The following KLHL29 variants were observed in gnomAD, a reference collection of about 807,000 sequenced individuals.
KLHL29 encodes the protein kelch-like protein 29.
KLHL29 carries 21 observed loss-of-function variants against 80.4 expected under a neutral mutation model. The ratio of observed to expected loss-of-function variants is 0.26; its 90% CI spans 0.19 to 0.38. The LOEUF (loss-of-function observed/expected upper bound fraction) is 0.38, where lower values mean the gene tolerates loss of function less well. Among genes scored for constraint, KLHL29 ranks in the 10% least tolerant of loss-of-function variants. The pLI is 1.00. For synonymous variants in KLHL29, 511 were observed against 526.8 expected (o/e 0.97, Z 0.41); for missense variants, 867 against 1,223.9 (o/e 0.71, Z 4.35).
chr2:23,462,320 A>G (rs1174240159), intron 1 of KLHL29, among the ~76,000 whole-genome samples: 4 of 152,192 alleles, frequency 2.6e-5, no homozygotes, highest in Non-Finnish European at 4.4e-5. Flanking sequence ...GAGAGGAAAC[A>G]GGCTCTGTCT....
At chr2:23,419,264 G>A (rs569286794) in intron 1 of KLHL29, among the ~76,000 whole-genome samples, 24 of 152,288 alleles carry the variant, frequency 1.6e-4, no homozygotes, top group African/African-American at 5.1e-4. Flanking sequence ...GAACTGTCCC[G>A]CTCCCCTGCC....
At chr2:23,568,002 A>G (rs1374538960) in intron 3 of KLHL29, among the ~76,000 whole-genome samples, 3 of 152,198 alleles carry the variant, frequency 2.0e-5, no homozygotes, top group Non-Finnish European at 4.4e-5. Context: ...TTGATTGTGT[A>G]TTCATTGACT....
intron 3 of KLHL29, among the ~76,000 whole-genome samples, chr2:23,625,563 T>A (rs759172657): frequency 4.6e-5 from 7 of 152,164 alleles, no homozygotes; most frequent in Middle Eastern, 3.2e-3. Context: ...GGCGTGCTAG[T>A]CAGGTCTGTG....
intron 2 of KLHL29, among the ~76,000 whole-genome samples, chr2:23,493,950 A>G (rs1665182986): frequency 6.6e-6 from 1 of 152,246 alleles, no homozygotes; most frequent in East Asian, 1.9e-4. Context: ...ACTTACCTAC[A>G]CTGAAAGAGG....
intron 2 of KLHL29, among the ~76,000 whole-genome samples, chr2:23,547,947 G>A (rs765595628): frequency 1.3e-5 from 2 of 152,236 alleles, no homozygotes; most frequent in Admixed American, 6.5e-5. Context: ...CAGAGGTGGC[G>A]CTATGCCACT....
chr2:23,682,097 G>A lies in KLHL29; in HGVS notation c.941-2302G>A, dbSNP rs994750144. Among the ~76,000 whole-genome samples the A allele has an allele frequency of 6.6e-6, 1 of 151,906 alleles. No homozygotes were observed. The highest frequency in any genetic ancestry group is 6.5e-5 in the Admixed American group (1 of 15,270). On this transcript the variant is annotated intron_variant, in intron 5 of 13. Coordinates refer to ENST00000486442, the MANE Select transcript of KLHL29 (RefSeq NM_052920.2). The surrounding 1 kb of genome is among the most constrained non-coding windows in gnomAD (Gnocchi z 4.1). ...CACCATCCCCTCCAAAAACCTGTTAGTGGTCTCCATGCCTCCCCCTCCCCA... is the reference window on the plus strand; with the variant it reads ...CACCATCCCCTCCAAAAACCTGTTAATGGTCTCCATGCCTCCCCCTCCCCA...
chr2:23,557,208 A>G (rs1270173807), intron 2 of KLHL29, among the ~76,000 whole-genome samples: 1 of 151,628 alleles, frequency 6.6e-6, no homozygotes, highest in East Asian at 1.9e-4. Flanking sequence ...CTCCCTCAAC[A>G]CCGCTCTGGG....
chr2:23,436,557 T>A (rs1249005215), intron 1 of KLHL29, among the ~76,000 whole-genome samples: 1 of 151,210 alleles, frequency 6.6e-6, no homozygotes, highest in Non-Finnish European at 1.5e-5. Context: ...GAGTCACAGG[T>A]GTGGATCTGC....
At chr2:23,618,819 C>T (rs1034876624) in intron 3 of KLHL29, among the ~76,000 whole-genome samples, 2 of 152,214 alleles carry the variant, frequency 1.3e-5, no homozygotes, top group African/African-American at 4.8e-5. Context: ...GAACCCATAG[C>T]TTGATCAAGC....
intron 1 of KLHL29, among the ~76,000 whole-genome samples, chr2:23,462,166 T>C (rs1409053546): frequency 6.6e-6 from 1 of 152,000 alleles, no homozygotes; most frequent in Non-Finnish European, 1.5e-5. Flanking sequence ...ACTCCTCCCA[T>C]TTGGAAAGAA....
At chr2:23,486,924 T>TA in intron 2 of KLHL29, among the ~76,000 whole-genome samples, 1 of 152,330 alleles carries the variant, frequency 6.6e-6, no homozygotes, top group African/African-American at 2.4e-5. Flanking sequence ...AAGGCTGTGC[T>TA]AAGCAACTTG....
chr2:23,480,308 G>A (rs1036716191), intron 2 of KLHL29, among the ~76,000 whole-genome samples: 2 of 152,176 alleles, frequency 1.3e-5, no homozygotes, highest in African/African-American at 2.4e-5. Flanking sequence ...CCAACATGGT[G>A]AAACCCCATC....
intron 2 of KLHL29, among the ~76,000 whole-genome samples, chr2:23,482,260 C>G (rs1341728832): frequency 6.6e-6 from 1 of 152,324 alleles, no homozygotes; most frequent in Admixed American, 6.5e-5. Flanking sequence ...TGTTTGGCAC[C>G]TGGGCTAGAA....
At chr2:23,592,860 C>T (rs968904037) in intron 3 of KLHL29, among the ~76,000 whole-genome samples, 1 of 152,204 alleles carries the variant, frequency 6.6e-6, no homozygotes, top group Non-Finnish European at 1.5e-5. Context: ...CCCCTCCCTG[C>T]AGGCACGTTG....
At position 23,682,681 on chromosome 2, in the gene KLHL29, C is replaced by T. The variant is rs960389341; in HGVS notation, c.941-1718C>T. ...CCCCTCGTGCTCCTGCACCCTCCCA[C>T]ACCCTCCCGCACCCTCCCGCGCCCT... is the stretch of plus-strand genomic sequence containing the variant. On this transcript the variant is annotated intron_variant, in intron 5 of 13. Transcript: ENST00000486442. This position sits in a 1 kb window ranked among gnomAD's most constrained non-coding sequence, Gnocchi z 4.1. Among the ~76,000 whole-genome samples the T allele has an allele frequency of 1.3e-5, 2 of 150,862 alleles. No individual in the cohort carries two copies. The highest frequency in any genetic ancestry group is 6.6e-5 in the Admixed American group (1 of 15,250).
intron 2 of KLHL29, among the ~76,000 whole-genome samples, chr2:23,500,274 C>T (rs1665402090): frequency 2.0e-5 from 3 of 152,098 alleles, no homozygotes; most frequent in Admixed American, 2.0e-4. Context: ...CTTGACTGCG[C>T]CTTGAGATGT....
intron 1 of KLHL29, among the ~76,000 whole-genome samples, chr2:23,415,051 C>T (rs191783542): frequency 3.3e-5 from 5 of 152,380 alleles, no homozygotes; most frequent in Non-Finnish European, 7.3e-5. Context: ...GGCCCCACAG[C>T]TGCCCTGCTG....
At position 23,695,910 on chromosome 2, in the gene KLHL29, C is replaced by T; in HGVS notation, c.1742-41C>T. ...GGTGCCAGGCACAGATGCCGACAGT[C>T]TTAGAGTGTGTCCCAAGGGCGCCCA... On this transcript the variant is annotated intron_variant, in intron 9 of 13. Coordinates refer to ENST00000486442, the MANE Select transcript of KLHL29 (RefSeq NM_052920.2). This position sits in a 1 kb window ranked among gnomAD's most constrained non-coding sequence, Gnocchi z 7.6. The T allele has an allele frequency of 6.5e-7, 1 of 1,544,466 alleles. No homozygotes were observed. The highest frequency in any genetic ancestry group is 8.7e-7 in the Non-Finnish European group (1 of 1,144,220).
chr2:23,656,735 G>A (rs900773402), intron 5 of KLHL29, among the ~76,000 whole-genome samples: 2 of 145,250 alleles, frequency 1.4e-5, no homozygotes, highest in African/African-American at 5.7e-5. Flanking sequence ...GCTGGGCGGA[G>A]GTGAGGTGGA....
Sources: gnomAD v4.1 joint callset for allele counts (sites outside exome capture counted in the v4.1 genomes callset) on GRCh38, gnomAD v4.1.1 for gene constraint, Gnocchi (gnomAD v3.1) non-coding constraint, MANE v1.5 for transcripts, NCBI Gene and HGNC (gene_info 2026-07-23, HGNC 2026-07-21) for gene names.